Variants in IL16 observed in about 807,000 individuals in gnomAD.
IL16 encodes the protein interleukin 16.
Under a neutral mutation model 110.1 loss-of-function variants are expected in IL16, and 67 were observed. The observed-to-expected ratio is 0.61, with a 90% confidence interval of 0.50 to 0.75. The LOEUF is 0.75. Ranked by LOEUF, IL16 falls within the 30% of genes least tolerant of loss-of-function variation. IL16 has a pLI of 0.00. For missense variants in IL16, 1,545 were observed against 1,655.0 expected (o/e 0.93, Z 1.15); for synonymous variants, 689 against 662.9 (o/e 1.04, Z -0.61).
At chr15:81,265,956 A>C (rs1273944327) in intron 4 of IL16, among the ~76,000 whole-genome samples, 155 bp downstream of exon 4, 1 of 152,068 alleles carries the variant, frequency 6.6e-6, no homozygotes, top group African/African-American at 2.4e-5. Flanking sequence ...AAGAAGGTAC[A>C]ACCATCTCTG....
intron 1 of IL16, among the ~76,000 whole-genome samples, chr15:81,207,069 T>TA (rs11464726): frequency 0.16 from 24,661 of 151,178 alleles, 4,618 homozygotes; most frequent in African/African-American, 0.46. Context: ...CCGTCTCTAC[T>TA]AAAAAAACCA....
intron 2 of IL16, among the ~76,000 whole-genome samples, chr15:81,229,823 C>G (rs1335541195): frequency 1.3e-5 from 2 of 152,122 alleles, no homozygotes; most frequent in Non-Finnish European, 2.9e-5. Context: ...CTCAGTTGGC[C>G]CAGATGAACT....
intron 2 of IL16, among the ~76,000 whole-genome samples, chr15:81,228,863 T>C (rs146533479): frequency 0.011 from 1,628 of 152,304 alleles, 31 homozygotes; most frequent in African/African-American, 0.038. Flanking sequence ...TGTGTAATCC[T>C]AGACAATCCA....
chr15:81,203,201 A>T (rs934897416), intron 1 of IL16, among the ~76,000 whole-genome samples: 6 of 150,394 alleles, frequency 4.0e-5, no homozygotes, highest in African/African-American at 7.5e-5. Flanking sequence ...GTTTGAGTTC[A>T]TTGTAGATTC....
chr15:81,220,815 AAAGGAAGG>A (rs199516007), intron 1 of IL16, among the ~76,000 whole-genome samples: 2 of 150,150 alleles, frequency 1.3e-5, no homozygotes, highest in Non-Finnish European at 2.9e-5. Flanking sequence ...AAAAAAATGA[AAAGGAAGG>A]AAGGAAGGAG....
rs112887692 is a variant in IL16, at chr15:81,245,872, T to C, written c.313-13900T>C. Among the ~76,000 whole-genome samples, 295 of 152,116 alleles carry C rather than the reference T, an allele frequency of 1.9e-3. 1 individual carries two copies. The highest frequency in any genetic ancestry group is 6.7e-3 in the African/African-American group (280 of 41,510). Reference sequence around the variant, plus strand: ...CAAGGTTCCTATCTGATCTGTCTTCTTGCTACCTTTCAGAGTCTTCTTATG... The same window carrying C: ...CAAGGTTCCTATCTGATCTGTCTTCCTGCTACCTTTCAGAGTCTTCTTATG... On this transcript the variant is annotated intron_variant, in intron 2 of 18. Coordinates refer to ENST00000683961, the MANE Select transcript of IL16 (RefSeq NM_172217.5).
Position 81,225,354 on chromosome 15 carries a change from C to T in IL16, c.-46C>T, listed in dbSNP as rs1287493351. 6.3e-7 allele frequency: 1 copy of T among 1,599,190 alleles called. No homozygotes were observed. Among genetic ancestry groups the T allele is most frequent in the South Asian group, 1.1e-5 (1 of 89,504 alleles). On this transcript the variant is annotated 5_prime_UTR_variant, in exon 2 of 19. Coordinates refer to ENST00000683961, the MANE Select transcript of IL16 (RefSeq NM_172217.5). ...CAGTGGCCACCCGTCAGCCAAGGGCCAGAGACCAGGAAAGGAAGAAAGGCA... is the reference window on the plus strand; with the variant it reads ...CAGTGGCCACCCGTCAGCCAAGGGCTAGAGACCAGGAAAGGAAGAAAGGCA...
At chr15:81,183,221 A>G (rs1439338894) in intron 1 of IL16, among the ~76,000 whole-genome samples, 3 of 152,174 alleles carry the variant, frequency 2.0e-5, no homozygotes, top group African/African-American at 7.2e-5. Context: ...ATGGTTTTCC[A>G]TGTGCCCCGG....
intron 18 of IL16, among the ~76,000 whole-genome samples, chr15:81,308,257 A>G (rs939994486): frequency 2.4e-4 from 36 of 152,332 alleles, no homozygotes; most frequent in Admixed American, 2.2e-3. Context: ...ATATTGGGTC[A>G]GTGTCCAAAG....
chr15:81,210,937 G>T (rs370629081), intron 1 of IL16, among the ~76,000 whole-genome samples: 3 of 152,200 alleles, frequency 2.0e-5, no homozygotes, highest in African/African-American at 7.2e-5. Context: ...CAAGGGGAAT[G>T]GTTCCAGCTT....
At chr15:81,255,623 G>A (rs948511058) in intron 2 of IL16, among the ~76,000 whole-genome samples, 4 of 152,238 alleles carry the variant, frequency 2.6e-5, no homozygotes, top group African/African-American at 9.6e-5. Flanking sequence ...AGAAGAGACT[G>A]AGCCACTGAA....
rs187375491 is a variant in IL16, at chr15:81,303,687, G to A, written c.3420+37G>A. On this transcript the variant is annotated intron_variant, in intron 16 of 18. Transcript: ENST00000683961. The surrounding 1 kb of genome is among the most constrained non-coding windows in gnomAD (Gnocchi z 4.1). ...AGTGAAGGGGCATGTCACAGCCAGA[G>A]GCAATGGTTCTGGGGGAGGGGGACA... 8.9e-4 allele frequency: 1,215 copies of A among 1,370,386 alleles called. 15 individuals are homozygous for A. In the African/African-American group the frequency reaches 0.016, roughly 18 times the overall value. 84.9% of individuals were successfully genotyped at this position (1,370,386 alleles called of 1,614,324 possible). A position where few individuals can be genotyped will look rare whatever the true frequency, so the allele number is the denominator to read the frequency against.
chr15:81,211,635 C>T (rs1160725217), intron 1 of IL16, among the ~76,000 whole-genome samples: 1 of 152,120 alleles, frequency 6.6e-6, no homozygotes, highest in African/African-American at 2.4e-5. Flanking sequence ...CAATCTGCCG[C>T]TCTTGGCCTC....
rs566812985 is a variant in IL16, at chr15:81,231,302, G to A, written c.312+5591G>A. Among the ~76,000 whole-genome samples, 487 of 142,850 alleles carry A rather than the reference G, an allele frequency of 3.4e-3. 6 individuals are homozygous for A. Among genetic ancestry groups the A allele is most frequent in the South Asian group, 0.022 (96 of 4,408 alleles). 93.7% of individuals were successfully genotyped at this position (142,850 alleles called of 152,430 possible). On this transcript the variant is annotated intron_variant, in intron 2 of 18. Transcript: ENST00000683961. ...CAGAGGAGAGGAGGGGAGGGGAGGG[G>A]AGATCTACCCAAGGTCGGTCTGTCT...
intron 5 of IL16, 107 bp from the exon 6 acceptor site, chr15:81,272,983 C>A: frequency 1.3e-6 from 1 of 777,830 alleles, no homozygotes; most frequent in Non-Finnish European, 2.2e-6. Context: ...ACCTTCTCTC[C>A]TTCCCAATCC....
At chr15:81,195,919 C>T (rs1449100605), upstream of IL16, among the ~76,000 whole-genome samples, 1 of 152,048 alleles carries the variant, frequency 6.6e-6, no homozygotes, top group Admixed American at 6.5e-5. Flanking sequence ...CTAATGCCAA[C>T]AGGACACACA....
chr15:81,307,982 T>C (rs1229823265), intron 18 of IL16, among the ~76,000 whole-genome samples: 1 of 152,268 alleles, frequency 6.6e-6, no homozygotes, highest in Admixed American at 6.5e-5. Context: ...TCTACTCTTA[T>C]CAGGATTTGT....
intron 2 of IL16, among the ~76,000 whole-genome samples, chr15:81,247,207 T>G (rs1897594278): frequency 6.6e-6 from 1 of 151,926 alleles, no homozygotes; most frequent in Admixed American, 6.6e-5. Context: ...TTTAATAAAT[T>G]TTGTCCATAT....
At chr15:81,189,582 G>A (rs1020061702) in intron 1 of IL16, among the ~76,000 whole-genome samples, 3 of 152,208 alleles carry the variant, frequency 2.0e-5, no homozygotes, top group Admixed American at 6.5e-5. Flanking sequence ...ACTACGACCA[G>A]TCAAGTGATT....
Sources: allele counts gnomAD v4.1 joint callset (sites outside exome capture counted in the v4.1 genomes callset), GRCh38; gene constraint gnomAD v4.1.1; non-coding constraint Gnocchi (gnomAD v3.1); transcripts MANE v1.5; gene names NCBI Gene and HGNC (gene_info 2026-07-23, HGNC 2026-07-21).